The following LPXN variants were observed in gnomAD, a reference collection of about 807,000 sequenced individuals.
LPXN encodes the protein leupaxin.
A neutral mutation model predicts 45.6 loss-of-function variants in LPXN; 28 were observed. The ratio of observed to expected loss-of-function variants is 0.61; its 90% confidence interval spans 0.45 to 0.84. The LOEUF is 0.84. Among genes scored for constraint, LPXN ranks in the 40% least tolerant of loss-of-function variants. The probability of loss-of-function intolerance (pLI) is 0.00; values close to 1 mark genes in which losing one functional copy is unlikely to be tolerated. For missense variants in LPXN, 459 were observed against 475.0 expected (o/e 0.97, Z 0.31); for synonymous variants, 166 against 169.9 (o/e 0.98, Z 0.18).
In LPXN at chr11:58,551,227, T is replaced by C. The variant is rs1016368941; in HGVS notation, c.324A>G (p.Ala108=). ...GCTTCTTGCCAGCATCTGCTCTCAC[T>C]GCAACCTGGCCCAAGGGAAGAACCA... ...AHLTEMQAKV[A]VRADAGKKHL... The change falls in exon 5 of 9, where the codon GCA becomes GCG. Residue 108 remains alanine, a synonymous_variant. Transcript: ENST00000395074. 21 of 1,604,352 alleles carry C rather than the reference T, an allele frequency of 1.3e-5. No individual in the cohort carries two copies. The highest frequency in any genetic ancestry group is 7.7e-6 in the Non-Finnish European group (9 of 1,176,052).
chr11:58,552,760 T>A (rs1256824433), intron 4 of LPXN, among the ~76,000 whole-genome samples: 1 of 152,206 alleles, frequency 6.6e-6, no homozygotes, highest in Admixed American at 6.5e-5. Flanking sequence ...TTCAAGAGGT[T>A]AGTGTTCAGA....
intron 2 of LPXN, among the ~76,000 whole-genome samples, chr11:58,567,219 C>T (rs1854551642): frequency 6.6e-6 from 1 of 152,082 alleles, no homozygotes; most frequent in Admixed American, 6.5e-5. Context: ...CATTTGTATT[C>T]ATATTCTTAC....
Position 58,575,802 on chromosome 11 carries a change from C to T in LPXN, c.-30G>A, listed in dbSNP as rs375904012. 2.5e-6 allele frequency: 4 copies of T among 1,614,236 alleles called. No individual in the cohort carries two copies. Among genetic ancestry groups the T allele is most frequent in the Non-Finnish European group, 2.5e-6 (3 of 1,180,038 alleles). ...CTACATCCAAGATGCTCTTGTCTCA[C>T]AGGCCGTGAGGAACAGCTTTGGCAT... On this transcript the variant is annotated 5_prime_UTR_variant, in exon 1 of 9. It adds an upstream start codon to the 5' untranslated region. Coordinates refer to ENST00000395074, the MANE Select transcript of LPXN (RefSeq NM_004811.3).
chr11:58,535,648 T>C (rs1028091839), intron 7 of LPXN, among the ~76,000 whole-genome samples: 6 of 152,266 alleles, frequency 3.9e-5, no homozygotes, highest in Middle Eastern at 3.4e-3. Context: ...ATATTCAACA[T>C]AGTGTTGGAA....
intron 7 of LPXN, among the ~76,000 whole-genome samples, chr11:58,547,733 T>G (rs949648226): frequency 6.6e-6 from 1 of 152,206 alleles, no homozygotes; most frequent in Non-Finnish European, 1.5e-5. Context: ...TTACACAGAC[T>G]GAATTACCTA....
intron 7 of LPXN, among the ~76,000 whole-genome samples, chr11:58,541,394 C>T (rs1853717437): frequency 6.6e-6 from 1 of 152,170 alleles, no homozygotes; most frequent in Non-Finnish European, 1.5e-5. Context: ...TGAACAGACA[C>T]TTCTCAAAAG....
chr11:58,556,743 G>A (rs534903432), intron 3 of LPXN, among the ~76,000 whole-genome samples: 136 of 151,694 alleles, frequency 9.0e-4, no homozygotes, highest in Non-Finnish European at 1.4e-3. Flanking sequence ...AATCCAATGC[G>A]AAAAAAAGAA....
intron 7 of LPXN, 104 bp downstream of exon 7, chr11:58,549,682 A>G (rs1408892830): frequency 2.4e-6 from 2 of 839,166 alleles, no homozygotes; most frequent in Non-Finnish European, 3.9e-6. Flanking sequence ...GCACTTTGAT[A>G]GTACTGATAG....
At chr11:58,562,043 T>G (rs1854393098) in intron 3 of LPXN, among the ~76,000 whole-genome samples, 2 of 152,196 alleles carry the variant, frequency 1.3e-5, no homozygotes, top group African/African-American at 4.8e-5. Context: ...TCACAAGAGA[T>G]GCATCTAAAA....
chr11:58,530,281 C>T (rs1853348940), intron 7 of LPXN, among the ~76,000 whole-genome samples: 1 of 152,220 alleles, frequency 6.6e-6, no homozygotes, highest in Non-Finnish European at 1.5e-5. Flanking sequence ...TGGAGCCCAG[C>T]AAGCTAAGAT....
intron 2 of LPXN, among the ~76,000 whole-genome samples, chr11:58,566,746 A>G (rs1854538438): frequency 6.6e-6 from 1 of 152,224 alleles, no homozygotes; most frequent in African/African-American, 2.4e-5. Flanking sequence ...AAAAGCTTCA[A>G]AAGCTGAATT....
At chr11:58,569,076 A>C (rs1854603015) in intron 2 of LPXN, among the ~76,000 whole-genome samples, 1 of 152,186 alleles carries the variant, frequency 6.6e-6, no homozygotes, top group Admixed American at 6.5e-5. Flanking sequence ...GTATCGTTAA[A>C]ATTGTGTATG....
chr11:58,537,835 A>T (rs891835686), intron 7 of LPXN, among the ~76,000 whole-genome samples: 1 of 151,286 alleles, frequency 6.6e-6, no homozygotes, highest in Non-Finnish European at 1.5e-5. Context: ...CGTTAGTTAC[A>T]TATGTATACA....
intron 7 of LPXN, among the ~76,000 whole-genome samples, chr11:58,547,029 C>T (rs558090792): frequency 1.4e-4 from 21 of 151,880 alleles, no homozygotes; most frequent in Middle Eastern, 3.4e-3. Context: ...TTCACTGGGA[C>T]GACTCAGAGA....
At chr11:58,573,891 G>A (rs1251037338) in intron 1 of LPXN, among the ~76,000 whole-genome samples, 1 of 152,178 alleles carries the variant, frequency 6.6e-6, no homozygotes, top group African/African-American at 2.4e-5. Flanking sequence ...ATCTGCTCCT[G>A]GTTCCTCTTT....
At chr11:58,572,039 A>T (rs990115649) in intron 1 of LPXN, among the ~76,000 whole-genome samples, 1 of 152,140 alleles carries the variant, frequency 6.6e-6, no homozygotes, top group South Asian at 2.1e-4. Flanking sequence ...AGGCAATTTG[A>T]TTAGAACAGT....
At chr11:58,546,217 A>G (rs1039509740) in intron 7 of LPXN, among the ~76,000 whole-genome samples, 13 of 152,176 alleles carry the variant, frequency 8.5e-5, no homozygotes, top group African/African-American at 3.1e-4. Context: ...GGGAGAGGCC[A>G]ATAAAAATCA....
At chr11:58,535,782 A>G (rs6591479) in intron 7 of LPXN, among the ~76,000 whole-genome samples, 149,528 of 152,314 alleles carry the variant, frequency 0.98, 73,399 homozygotes, top group Middle Eastern at 1. Context: ...CATCATCTCA[A>G]CCCAAAATCT....
At chr11:58,551,309 T>C (rs1854045778) in intron 4 of LPXN, 77 bp from the exon 5 acceptor site, 1 of 1,271,796 alleles carries the variant, frequency 7.9e-7, no homozygotes, top group African/African-American at 1.5e-5. Context: ...ACTCTATAAA[T>C]TCACCTCTAC....
Sources: gnomAD v4.1 joint callset for allele counts (sites outside exome capture counted in the v4.1 genomes callset) on GRCh38, gnomAD v4.1.1 for gene constraint, MANE v1.5 for transcripts, NCBI Gene and HGNC (gene_info 2026-07-23, HGNC 2026-07-21) for gene names.